DISC1: variants seen among roughly 807,000 people sequenced by gnomAD.
The protein encoded by DISC1 is DISC1 scaffold protein, also known as disrupted in schizophrenia 1 protein.
Under a neutral mutation model 84.5 loss-of-function variants are expected in DISC1, and 57 were observed. The observed-to-expected ratio is 0.67, with a 90% confidence interval of 0.55 to 0.84. The LOEUF (loss-of-function observed/expected upper bound fraction) is 0.84, where lower values mean the gene tolerates loss of function less well. DISC1 is among the 40% of genes least tolerant of loss of function. DISC1 has a pLI of 0.00. For missense variants in DISC1, 1,000 were observed against 1,057.8 expected (o/e 0.95, Z 0.76); for synonymous variants, 411 against 415.2 (o/e 0.99, Z 0.12).
chr1:231,891,647 T>C (rs1469708435), intron 9 of DISC1, among the ~76,000 whole-genome samples: 2 of 152,154 alleles, frequency 1.3e-5, no homozygotes, highest in Non-Finnish European at 2.9e-5. Context: ...GGGCAGGGGA[T>C]AGTGGTCCTG....
rs746754821 is a variant in DISC1, at chr1:231,795,241, GC to G, written c.1636del (p.Leu546SerfsTer5). On this transcript the variant is annotated frameshift_variant and splice_region_variant, in exon 7 of 13. Transcript: ENST00000439617. LOFTEE classifies it high-confidence loss of function. The part of the protein sequence containing the change: ...FHAEPPETIR[S>X]LQERIKSLNL... ...CAATCTCCTCTTTTTAATTCTTCCA[GC>G]CTCCAGGAAAGAATAAAATCCCTCA... 2 of 1,613,416 alleles carry G rather than the reference GC, an allele frequency of 1.2e-6. No individual in the cohort carries two copies. Among genetic ancestry groups the G allele is most frequent in the South Asian group, 2.2e-5 (2 of 91,074 alleles).
chr1:231,852,399 T>TGATATAGGA (rs2083957567), intron 9 of DISC1, among the ~76,000 whole-genome samples: 2 of 152,154 alleles, frequency 1.3e-5, no homozygotes, highest in African/African-American at 4.8e-5. Flanking sequence ...TAAGTAAAGG[T>TGATATAGGA]GATATAGGAG....
chr1:231,861,452 G>GTTTTTTTTTTTTTTTTT (rs59522401), intron 9 of DISC1, among the ~76,000 whole-genome samples: 1 of 88,968 alleles, frequency 1.1e-5, no homozygotes, highest in Non-Finnish European at 2.2e-5. Context: ...ATTTTGACAA[G>GTTTTTTTTTTTTTTTTT]TTTTTTTTTT....
chr1:231,729,276 A>G (rs1040774704), intron 3 of DISC1, among the ~76,000 whole-genome samples: 11 of 152,174 alleles, frequency 7.2e-5, no homozygotes. Context: ...AGTCTTTGCT[A>G]TTGTGAATAG....
intron 3 of DISC1, chr1:231,720,826 C>T (rs1252133467): frequency 4.7e-6 from 6 of 1,289,480 alleles, no homozygotes; most frequent in Admixed American, 2.3e-5. Context: ...AGGTAGGAAA[C>T]GTGTTGTCGT....
intron 1 of DISC1, among the ~76,000 whole-genome samples, chr1:231,627,314 T>G (rs894557217): frequency 6.6e-6 from 1 of 151,934 alleles, no homozygotes; most frequent in Non-Finnish European, 1.5e-5. Flanking sequence ...CCGCCTGCAC[T>G]CTCGTTGCGG....
chr1:231,810,619 C>A (rs2080202777), intron 8 of DISC1, among the ~76,000 whole-genome samples: 1 of 152,100 alleles, frequency 6.6e-6, no homozygotes, highest in African/African-American at 2.4e-5. Flanking sequence ...AGTGGGAGAG[C>A]TTTATAGTGG....
chr1:231,767,286 T>C lies in DISC1; in HGVS notation c.1398+17T>C, dbSNP rs763394576. 1 of 1,613,976 alleles carries C rather than the reference T, an allele frequency of 6.2e-7. No individual in the cohort carries two copies. The highest frequency in any genetic ancestry group is 8.5e-7 in the Non-Finnish European group (1 of 1,180,012). On this transcript the variant is annotated intron_variant, in intron 5 of 12. Transcript: ENST00000439617. The stretch of plus-strand genomic sequence containing the variant: ...CAGCTACAGGTGAGCAGGTGAAAGA[T>C]CTTCAAGAAATATGATGGCATTTTT...
chr1:231,762,203 C>G lies in DISC1; in HGVS notation c.1269-4937C>G, dbSNP rs376637209. On this transcript the variant is annotated intron_variant, in intron 4 of 12. Transcript: ENST00000439617. ...TTCCTTCTTTTCTTTCTTTTCTTTT[C>G]TTTTCTTTTCTCTTCTTTTCTTTTC... Among the ~76,000 whole-genome samples the G allele has an allele frequency of 4.6e-5, 3 of 65,734 alleles. No individual in the cohort carries two copies. The East Asian group carries it at 1.8e-3, about 40-fold the overall frequency. The allele number at this position is 65,734 out of a possible 152,430, so 43.1% of individuals were successfully genotyped here.
At chr1:231,771,498 A>G in intron 6 of DISC1, 1 of 985,452 alleles carries the variant, frequency 1.0e-6, no homozygotes, top group African/African-American at 1.7e-5. Context: ...CAAAGTTCCC[A>G]TCTGGAAGAA....
At chr1:231,948,251 T>C (rs1222958454) in intron 9 of DISC1, among the ~76,000 whole-genome samples, 1 of 152,162 alleles carries the variant, frequency 6.6e-6, no homozygotes, top group East Asian at 1.9e-4. Flanking sequence ...GTGGCACATA[T>C]ACACCATGGA....
At chr1:231,646,769 G>C (rs1251172530) in intron 1 of DISC1, among the ~76,000 whole-genome samples, 3 of 152,126 alleles carry the variant, frequency 2.0e-5, no homozygotes, top group African/African-American at 7.2e-5. Flanking sequence ...ATGTGATATG[G>C]TATCTCATTG....
chr1:231,788,832 G>A (rs2078090432), intron 6 of DISC1, among the ~76,000 whole-genome samples: 1 of 152,070 alleles, frequency 6.6e-6, no homozygotes, highest in African/African-American at 2.4e-5. Flanking sequence ...AGATGGAGCC[G>A]CTCCCCATCC....
At chr1:231,689,998 A>G (rs2064792505) in intron 1 of DISC1, among the ~76,000 whole-genome samples, 1 of 152,192 alleles carries the variant, frequency 6.6e-6, no homozygotes, top group African/African-American at 2.4e-5. Context: ...AAGGGAGAAC[A>G]TAAGAGGGAG....
Position 231,684,770 on chromosome 1 carries a change from G to A in DISC1, c.68-9056G>A, listed in dbSNP as rs529317788. The A allele has an allele frequency of 4.6e-5, 7 of 152,288 alleles. No homozygotes were observed. In the South Asian group the frequency reaches 6.2e-4, roughly 14 times the overall value. 9.4% of individuals were successfully genotyped at this position (152,288 alleles called of 1,614,324 possible). A position where few individuals can be genotyped will look rare whatever the true frequency, so the allele number is the denominator to read the frequency against. Reference sequence around the variant, plus strand: ...ATTCAGTGTAGGATTCATGCCTTCCGACTGTGAGGCTGTTGTAAGGAAGTA... The same window carrying A: ...ATTCAGTGTAGGATTCATGCCTTCCAACTGTGAGGCTGTTGTAAGGAAGTA... On this transcript the variant is annotated intron_variant, in intron 1 of 12. Transcript: ENST00000439617.
intron 4 of DISC1, among the ~76,000 whole-genome samples, chr1:231,766,263 C>T (rs2076163195): frequency 7.3e-6 from 1 of 137,758 alleles, no homozygotes; most frequent in African/African-American, 2.7e-5. Flanking sequence ...GCTTTCCAGC[C>T]TGGGTGTCGC....
chr1:231,931,812 T>A (rs570830941), intron 9 of DISC1, among the ~76,000 whole-genome samples: 30 of 151,958 alleles, frequency 2.0e-4, no homozygotes, highest in Non-Finnish European at 3.8e-4. Context: ...CCATGCCAGA[T>A]AATTAAAAAA....
intron 1 of DISC1, among the ~76,000 whole-genome samples, chr1:231,680,411 C>CA (rs1336262782): frequency 2.6e-5 from 4 of 151,414 alleles, no homozygotes; most frequent in African/African-American, 9.8e-5. Context: ...TCAGCACCTG[C>CA]CCCCGTGCAT....
chr1:231,716,316 C>CAAAAA (rs397861600), intron 3 of DISC1, among the ~76,000 whole-genome samples: 1 of 82,750 alleles, frequency 1.2e-5, no homozygotes, highest in African/African-American at 4.6e-5. Context: ...TTTCAATCTG[C>CAAAAA]AAAAAAAAAA....
Sources: allele counts gnomAD v4.1 joint callset (sites outside exome capture counted in the v4.1 genomes callset), GRCh38; gene constraint gnomAD v4.1.1; transcripts MANE v1.5; gene names NCBI Gene and HGNC (gene_info 2026-07-23, HGNC 2026-07-21).